PPID: variants seen among roughly 807,000 people sequenced by gnomAD.
PPID encodes peptidyl-prolyl cis-trans isomerase D.
A neutral mutation model predicts 48.1 loss-of-function variants in PPID; 47 were observed. That is an observed-to-expected ratio of 0.98 (90% CI 0.77 to 1.25). The LOEUF (loss-of-function observed/expected upper bound fraction) is 1.25. PPID is among the 50% of genes most tolerant of loss of function. PPID has a pLI of 0.00. For synonymous variants in PPID, 163 were observed against 148.8 expected (o/e 1.10, Z -0.69); for missense variants, 429 against 443.5 (o/e 0.97, Z 0.29).
At position 158,709,819 on chromosome 4, in the gene PPID, G is replaced by A; in HGVS notation, c.1030C>T (p.Gln344Ter). Residue 344 changes from glutamine (Q) to a stop codon, truncating the protein, a stop_gained, in exon 10 of 10, where the codon CAG becomes TAG. Coordinates refer to ENST00000307720, the MANE Select transcript of PPID (RefSeq NM_005038.3). LOFTEE classifies it high-confidence loss of function. The part of the protein sequence containing the change: ...QGIAPEDKAI[Q>*]AELLKVKQKI... Reference sequence around the variant, plus strand: ...TGTTTGACTTTCAGCAATTCTGCCTGGATAGCTGTAAAATAAATATGCAAT... The same window carrying A: ...TGTTTGACTTTCAGCAATTCTGCCTAGATAGCTGTAAAATAAATATGCAAT... The A allele has an allele frequency of 6.2e-7, 1 of 1,605,918 alleles. No homozygotes were observed. Among genetic ancestry groups the A allele is most frequent in the Non-Finnish European group, 8.5e-7 (1 of 1,174,124 alleles).
chr4:158,720,697 ATTTT>A (rs776669905), intron 2 of PPID, among the ~76,000 whole-genome samples: 2 of 58,008 alleles, frequency 3.4e-5, no homozygotes, highest in East Asian at 4.6e-4. Context: ...AAAATTATGC[ATTTT>A]TTTGTTTGTT....
rs1561256235 is a variant in PPID, at chr4:158,717,124, A to G, written c.410T>C (p.Val137Ala). ...TTTCCCATCCAAATGAGGAGTTGGA[A>G]CTGTTGTGATAAAAAACTGAGAACC... is the stretch of plus-strand genomic sequence containing the variant. Reference protein sequence around the residue: ...TNGSQFFITTVPTPHLDGKHV... With the variant: ...TNGSQFFITTAPTPHLDGKHV... Residue 137 changes from valine to alanine, a missense_variant, in exon 4 of 10, where the codon GTT becomes GCT. Transcript: ENST00000307720. 1 of 1,614,078 alleles carries G rather than the reference A, an allele frequency of 6.2e-7. No individual in the cohort carries two copies. The highest frequency in any genetic ancestry group is 8.5e-7 in the Non-Finnish European group (1 of 1,179,932).
intron 7 of PPID, 53 bp downstream of exon 7, chr4:158,713,065 CA>C: frequency 6.3e-7 from 1 of 1,578,430 alleles, no homozygotes; most frequent in Admixed American, 1.7e-5. Flanking sequence ...TGCTACTATT[CA>C]AACTAAGTCT....
intron 6 of PPID, among the ~76,000 whole-genome samples, chr4:158,713,542 C>G (rs73858525): frequency 1.5e-3 from 228 of 152,256 alleles, no homozygotes; most frequent in African/African-American, 5.1e-3. Context: ...TATGTACTTT[C>G]CAACATAATT....
Position 158,715,597 on chromosome 4 carries a change from C to T in PPID, c.610G>A (p.Asp204Asn), listed in dbSNP as rs1774858398. The change falls in exon 5 of 10, where the codon GAT becomes AAT. Residue 204 changes from aspartate (D) to asparagine (N), a missense_variant. Physicochemically the swap from Asp to Asn is conservative, Grantham distance 23. Transcript: ENST00000307720. ...PKDGSGDSHP[D>N]FPEDADIDLK... ...TCTATATCCGCATCCTCAGGGAAAT[C>T]TGGATGACTGTCGCCAGAGCCATCT... The T allele has an allele frequency of 1.9e-6, 3 of 1,613,846 alleles. No homozygotes were observed. The highest frequency in any genetic ancestry group is 2.5e-6 in the Non-Finnish European group (3 of 1,179,838).
chr4:158,712,968 C>T (rs1774813533), intron 7 of PPID, 151 bp downstream of exon 7: 1 of 768,124 alleles, frequency 1.3e-6, no homozygotes, highest in Non-Finnish European at 2.1e-6. Flanking sequence ...AGAGAAAGAA[C>T]TGAGGGTCCA....
chr4:158,715,347 GA>G lies in PPID; in HGVS notation c.701del (p.Phe234SerfsTer17). 1.3e-6 allele frequency: 2 copies of G among 1,541,126 alleles called. No individual in the cohort carries two copies. Among genetic ancestry groups the G allele is most frequent in the Non-Finnish European group, 8.7e-7 (1 of 1,146,152 alleles). On this transcript the variant is annotated frameshift_variant, in exon 6 of 10. Transcript: ENST00000307720. LOFTEE classifies it high-confidence loss of function. ...EDLKNIGNTF[F>X]KSQNWEMAIK... Reference sequence around the variant, plus strand: ...TAGCCATCTCCCAGTTCTGGGATTTGAAAAAAGTATTTCCAATGTTTTTTAA... The same window carrying G: ...TAGCCATCTCCCAGTTCTGGGATTTGAAAAAGTATTTCCAATGTTTTTTAA...
intron 1 of PPID, among the ~76,000 whole-genome samples, chr4:158,722,820 G>A (rs1313401543): frequency 2.6e-5 from 4 of 152,216 alleles, no homozygotes; most frequent in Admixed American, 1.3e-4. Flanking sequence ...GGCAAATATA[G>A]TTTCCTGGGG....
At chr4:158,715,275 A>G in intron 6 of PPID, 22 bp downstream of exon 6, 1 of 1,375,674 alleles carries the variant, frequency 7.3e-7, no homozygotes, top group Non-Finnish European at 9.6e-7. Context: ...TCTTAAAAAT[A>G]ATTTGTTAGA....
At chr4:158,712,026 T>C (rs1774798138) in intron 7 of PPID, among the ~76,000 whole-genome samples, 1 of 152,216 alleles carries the variant, frequency 6.6e-6, no homozygotes. Context: ...TGATCCCTTC[T>C]AAATATATTC....
At position 158,719,160 on chromosome 4, in the gene PPID, A is replaced by G. The variant is rs368530487; in HGVS notation, c.333+20T>C. 16 of 1,451,368 alleles carry G rather than the reference A, an allele frequency of 1.1e-5. No individual in the cohort carries two copies. The highest frequency in any genetic ancestry group is 1.5e-5 in the Non-Finnish European group (16 of 1,036,144). 89.9% of individuals were successfully genotyped at this position (1,451,368 alleles called of 1,614,324 possible). On this transcript the variant is annotated intron_variant, in intron 3 of 9. Coordinates refer to ENST00000307720, the MANE Select transcript of PPID (RefSeq NM_005038.3). ...TAACAATCTTTTTATCAGCAATAAC[A>G]TGCATTTTCTCTACTTTACCTTGTA...
intron 6 of PPID, among the ~76,000 whole-genome samples, chr4:158,714,480 G>A (rs1237241156): frequency 6.6e-6 from 1 of 152,126 alleles, no homozygotes; most frequent in South Asian, 2.1e-4. Context: ...AAAAAACCAG[G>A]GGAGGTAGGA....
Position 158,719,189 on chromosome 4 carries a change from G to C in PPID, c.324C>G (p.Phe108Leu), listed in dbSNP as rs775889500. 6.3e-7 allele frequency: 1 copy of C among 1,583,122 alleles called. No homozygotes were observed. The highest frequency in any genetic ancestry group is 1.7e-5 in the Admixed American group (1 of 59,866). ...IYGEKFEDEN[F>L]HYKHDREGLL... ...ATTTTCTCTACTTTACCTTGTAATG[G>C]AAATTTTCATCTTCAAATTTTTCAC... is the stretch of plus-strand genomic sequence containing the variant. The change falls in exon 3 of 10, where the codon TTC (phenylalanine) becomes TTG (leucine). Residue 108 changes from phenylalanine (F) to leucine (L), a missense_variant. Coordinates refer to ENST00000307720, the MANE Select transcript of PPID (RefSeq NM_005038.3).
chr4:158,711,686 C>T (rs1440085887), intron 7 of PPID, among the ~76,000 whole-genome samples: 1 of 152,154 alleles, frequency 6.6e-6, no homozygotes, highest in Non-Finnish European at 1.5e-5. Context: ...GAGATCGAGG[C>T]TGGGCAGAGA....
intron 3 of PPID, 114 bp from the exon 4 acceptor site, chr4:158,717,314 AT>A (rs1774889206): frequency 6.1e-6 from 5 of 819,494 alleles, no homozygotes; most frequent in Non-Finnish European, 8.5e-6. Context: ...CTATACTACC[AT>A]TTAGATCAAA....
At chr4:158,720,741 G>A (rs1774944422) in intron 2 of PPID, among the ~76,000 whole-genome samples, 1 of 151,934 alleles carries the variant, frequency 6.6e-6, no homozygotes, top group Non-Finnish European at 1.5e-5. Context: ...TTGAGGCAGA[G>A]TCTCACTCTG....
In PPID at chr4:158,723,278, G is replaced by A. The variant is rs373064507; in HGVS notation, c.11C>T (p.Pro4Leu). The A allele has an allele frequency of 3.7e-6, 6 of 1,613,740 alleles. No individual in the cohort carries two copies. The African/African-American group carries it at 5.3e-5, about 14-fold the overall frequency. Reference protein sequence around the residue: MSHPSPQAKPSNPS... With the variant: MSHLSPQAKPSNPS... ...GTTGGAGGGCTTGGCTTGGGGGGAC[G>A]GGTGCGACATCTTGACTTGCAGACG... Residue 4 changes from proline (P) to leucine (L), a missense_variant, in exon 1 of 10, where the codon CCG (proline) becomes CTG (leucine). Physicochemically the swap from Pro to Leu is moderately conservative, Grantham distance 98. Transcript: ENST00000307720.
At chr4:158,721,142 T>C (rs1774952363) in intron 2 of PPID, among the ~76,000 whole-genome samples, 1 of 152,160 alleles carries the variant, frequency 6.6e-6, no homozygotes, top group African/African-American at 2.4e-5. Context: ...GGGAGTCCAT[T>C]TCTCTATAGA....
At position 158,717,193 on chromosome 4, in the gene PPID, C is replaced by G. The variant is rs1456649301; in HGVS notation, c.341G>C (p.Arg114Pro). Reference sequence around the variant, plus strand: ...ATTTGCCATGCTCAGTAAACCCTCCCGATCATGCTGTAGAAATAAAAATTA... The same window carrying G: ...ATTTGCCATGCTCAGTAAACCCTCCGGATCATGCTGTAGAAATAAAAATTA... ...EDENFHYKHD[R>P]EGLLSMANAG... Residue 114 changes from arginine to proline, a missense_variant, in exon 4 of 10, where the codon CGG (arginine) becomes CCG (proline). Transcript: ENST00000307720. 1.2e-6 allele frequency: 2 copies of G among 1,608,160 alleles called. No individual in the cohort carries two copies. Among genetic ancestry groups the G allele is most frequent in the East Asian group, 2.2e-5 (1 of 44,818 alleles).
Sources: allele counts gnomAD v4.1 joint callset (sites outside exome capture counted in the v4.1 genomes callset), GRCh38; gene constraint gnomAD v4.1.1; transcripts MANE v1.5; gene names NCBI Gene and HGNC (gene_info 2026-07-23, HGNC 2026-07-21).